Variants in TRIM36 observed in about 807,000 individuals in gnomAD.
The protein encoded by TRIM36 is tripartite motif containing 36.
In TRIM36, 42 loss-of-function variants were observed where a neutral mutation model predicts 72.4. The ratio of observed to expected loss-of-function variants is 0.58; its 90% confidence interval spans 0.45 to 0.75. The LOEUF (loss-of-function observed/expected upper bound fraction) is 0.75, where lower values mean the gene tolerates loss of function less well. Among genes scored for constraint, TRIM36 ranks in the 30% least tolerant of loss-of-function variants. The pLI is 0.00. For synonymous variants in TRIM36, 315 were observed against 282.8 expected, an observed-to-expected ratio of 1.11 and a Z score of -1.14; for missense variants, 913 against 857.1, an observed-to-expected ratio of 1.07 and a Z score of -0.81.
In TRIM36 at chr5:115,130,790, A is replaced by T; in HGVS notation, c.1598T>A (p.Leu533His). 1 of 1,614,194 alleles carries T rather than the reference A, an allele frequency of 6.2e-7. No homozygotes were observed. Among genetic ancestry groups the T allele is most frequent in the Non-Finnish European group, 8.5e-7 (1 of 1,180,036 alleles). Reference sequence around the variant, plus strand: ...TTGGATGCGTTCTGCAGCAAGCAGAAGATTAAATCCAGCTCTACTCTCTAC... The same window carrying T: ...TTGGATGCGTTCTGCAGCAAGCAGATGATTAAATCCAGCTCTACTCTCTAC... ...DRVESRAGFN[L>H]LLAAERIQVG... is the part of the protein sequence containing the mutation. The change falls in exon 9 of 10, where the codon CTT becomes CAT. Residue 533 changes from leucine (L) to histidine (H), a missense_variant. Transcript: ENST00000513154.
At chr5:115,166,718 G>A (rs1430013708) in intron 1 of TRIM36, among the ~76,000 whole-genome samples, 4 of 152,234 alleles carry the variant, frequency 2.6e-5, no homozygotes, top group African/African-American at 9.6e-5. Flanking sequence ...GAGAAGAGCT[G>A]CAGCCCTTCA....
intron 5 of TRIM36, among the ~76,000 whole-genome samples, chr5:115,139,334 G>A (rs1753148115): frequency 1.3e-5 from 2 of 151,888 alleles, no homozygotes; most frequent in Non-Finnish European, 1.5e-5. Flanking sequence ...TGTTGGCCAG[G>A]CTGGTCTCGA....
intron 2 of TRIM36, among the ~76,000 whole-genome samples, chr5:115,158,040 C>A (rs1754276723): frequency 6.6e-6 from 1 of 151,986 alleles, no homozygotes; most frequent in African/African-American, 2.4e-5. Flanking sequence ...ATGGGTGCAC[C>A]AAAATCTCAC....
intron 5 of TRIM36, among the ~76,000 whole-genome samples, chr5:115,140,859 T>C (rs1428041978): frequency 1.3e-5 from 2 of 152,312 alleles, no homozygotes; most frequent in African/African-American, 2.4e-5. Context: ...GGAACATATA[T>C]AGGGTATACA....
At chr5:115,175,065 TAAG>T (rs1310699547) in intron 1 of TRIM36, among the ~76,000 whole-genome samples, 2 of 151,848 alleles carry the variant, frequency 1.3e-5, no homozygotes, top group Non-Finnish European at 2.9e-5. Context: ...ATTTAGTAAA[TAAG>T]AACACAATAC....
chr5:115,143,498 A>G (rs954908337), intron 4 of TRIM36, among the ~76,000 whole-genome samples: 43 of 148,626 alleles, frequency 2.9e-4, no homozygotes, highest in African/African-American at 1.0e-3. Flanking sequence ...AACTTTAATT[A>G]AAAAAAAAAA....
chr5:115,145,787 G>A (rs1753560051), intron 3 of TRIM36, among the ~76,000 whole-genome samples: 1 of 152,130 alleles, frequency 6.6e-6, no homozygotes. Context: ...AAAACAACTG[G>A]AAAAGGTTTC....
exon 1 of TRIM36, chr5:115,180,053 C>A: frequency 6.2e-7 from 1 of 1,612,780 alleles, no homozygotes; most frequent in East Asian, 2.2e-5. Flanking sequence ...CACCCCTTCA[C>A]AAACTCTGGA....
At chr5:115,127,152 C>T (rs1406238748) in intron 9 of TRIM36, among the ~76,000 whole-genome samples, 1 of 152,206 alleles carries the variant, frequency 6.6e-6, no homozygotes, top group Admixed American at 6.5e-5. Context: ...GCAGTGATAA[C>T]TGGTCAAATG....
At chr5:115,131,063 C>T (rs1752650391) in intron 8 of TRIM36, among the ~76,000 whole-genome samples, 174 bp from the exon 9 acceptor site, 1 of 152,070 alleles carries the variant, frequency 6.6e-6, no homozygotes, top group African/African-American at 2.4e-5. Flanking sequence ...TATATCTTAT[C>T]CAGTATATTG....
chr5:115,142,606 T>C (rs1176619581), intron 4 of TRIM36, among the ~76,000 whole-genome samples: 3 of 152,218 alleles, frequency 2.0e-5, no homozygotes, highest in Non-Finnish European at 4.4e-5. Flanking sequence ...TACGTTTATC[T>C]GAGAATAGCT....
chr5:115,152,311 A>G (rs1039329241), intron 2 of TRIM36, among the ~76,000 whole-genome samples: 8 of 152,188 alleles, frequency 5.3e-5, no homozygotes, highest in Admixed American at 5.2e-4. Flanking sequence ...AACCCAATCC[A>G]ACAAAGACAA....
rs1410718401 is a variant in TRIM36, at chr5:115,179,861, T to TCCAG, written c.63+110_63+113dup. Reference sequence around the variant, plus strand: ...CGGGCTGCGAGCGCGGCTCCTGGATTCCAGCCTCCCGCCCTTCCCAGGCGC... The same window carrying TCCAG: ...CGGGCTGCGAGCGCGGCTCCTGGATTCCAGCCAGCCTCCCGCCCTTCCCAGGCGC... On this transcript the variant is annotated intron_variant, in intron 1 of 9. Transcript: ENST00000282369. 3 of 1,024,386 alleles carry TCCAG rather than the reference T, an allele frequency of 2.9e-6. No individual in the cohort carries two copies. The African/African-American group carries it at 4.9e-5, about 17-fold the overall frequency. 63.5% of individuals were successfully genotyped at this position (1,024,386 alleles called of 1,614,324 possible). A position where few individuals can be genotyped will look rare whatever the true frequency, so the allele number is the denominator to read the frequency against.
intron 7 of TRIM36, among the ~76,000 whole-genome samples, chr5:115,134,731 AG>A (rs1221341313): frequency 6.6e-6 from 1 of 152,042 alleles, no homozygotes; most frequent in Non-Finnish European, 1.5e-5. Flanking sequence ...TAGTAGAAAC[AG>A]GGTTTCACCG....
At position 115,168,082 on chromosome 5, in the gene TRIM36, C is replaced by T. The variant is rs150997965; in HGVS notation, c.27+1526G>A. Among the ~76,000 whole-genome samples the T allele has an allele frequency of 5.7e-3, 875 of 152,294 alleles. 5 individuals carry two copies. The highest frequency in any genetic ancestry group is 0.019 in the African/African-American group (807 of 41,554). On this transcript the variant is annotated intron_variant, in intron 1 of 9. Transcript: ENST00000513154. ...AACAGCATGGGGGAAACCACTCCCA[C>T]GATCCAATCACCTCCCACCAGGTCT...
chr5:115,136,529 T>C (rs546127042), intron 7 of TRIM36, among the ~76,000 whole-genome samples: 1 of 152,250 alleles, frequency 6.6e-6, no homozygotes, highest in Non-Finnish European at 1.5e-5. Context: ...GCAGATTCCA[T>C]TCCTAGGCTT....
chr5:115,159,738 C>A, intron 2 of TRIM36: 1 of 431,950 alleles, frequency 2.3e-6, no homozygotes, highest in Admixed American at 2.8e-5. Flanking sequence ...AACTTGTTAA[C>A]AAAAGAGAAA....
chr5:115,157,147 A>G (rs1335266349), intron 2 of TRIM36, among the ~76,000 whole-genome samples: 2 of 126,326 alleles, frequency 1.6e-5, no homozygotes, highest in Non-Finnish European at 3.5e-5. Flanking sequence ...TGGCCATAAT[A>G]AAAAAAAAAA....
At chr5:115,134,643 T>C (rs1752869667) in intron 7 of TRIM36, among the ~76,000 whole-genome samples, 1 of 152,048 alleles carries the variant, frequency 6.6e-6, no homozygotes, top group South Asian at 2.1e-4. Flanking sequence ...CAGGTTCAAG[T>C]GATTCTCCCG....
Sources: gnomAD v4.1 joint callset for allele counts (sites outside exome capture counted in the v4.1 genomes callset) on GRCh38, gnomAD v4.1.1 for gene constraint, MANE v1.5 for transcripts, NCBI Gene and HGNC (gene_info 2026-07-23, HGNC 2026-07-21) for gene names.